MYT1L: variants seen among roughly 807,000 people sequenced by gnomAD.
The protein encoded by MYT1L is myelin transcription factor 1 like, also known as myelin transcription factor 1-like protein.
In MYT1L, 12 loss-of-function variants were observed where a neutral mutation model predicts 126.7. That is an observed-to-expected ratio of 0.09 (90% CI 0.06 to 0.15). MYT1L has a LOEUF of 0.15. Among genes scored for constraint, MYT1L ranks in the 10% least tolerant of loss-of-function variants. The probability of loss-of-function intolerance (pLI) is 1.00; values close to 1 mark genes in which losing one functional copy is unlikely to be tolerated. For missense variants in MYT1L, 979 were observed against 1,585.2 expected (o/e 0.62, Z 6.49); for synonymous variants, 541 against 604.2 (o/e 0.90, Z 1.53).
intron 5 of MYT1L, among the ~76,000 whole-genome samples, chr2:1,995,949 A>G (rs2061799882): frequency 6.6e-6 from 1 of 152,188 alleles, no homozygotes; most frequent in African/African-American, 2.4e-5. Flanking sequence ...GGGTCAATCC[A>G]GCCATCAGAA....
intron 2 of MYT1L, among the ~76,000 whole-genome samples, chr2:2,203,965 C>T (rs1475755322): frequency 1.3e-5 from 2 of 152,116 alleles, no homozygotes; most frequent in Non-Finnish European, 2.9e-5. Context: ...CACATATCTA[C>T]AACTATCTGA....
At chr2:1,936,569 C>T (rs2055916594) in intron 9 of MYT1L, among the ~76,000 whole-genome samples, 1 of 152,170 alleles carries the variant, frequency 6.6e-6, no homozygotes, top group South Asian at 2.1e-4. Flanking sequence ...TGGTTGAAGC[C>T]TCGCATACCA....
At chr2:2,217,650 G>T (rs1273534495) in intron 2 of MYT1L, among the ~76,000 whole-genome samples, 1 of 139,474 alleles carries the variant, frequency 7.2e-6, no homozygotes, top group East Asian at 2.1e-4. Flanking sequence ...CAGCCTGGGG[G>T]ACAGAACAAA....
chr2:2,062,351 A>T (rs2070638991), intron 3 of MYT1L, among the ~76,000 whole-genome samples: 2 of 152,222 alleles, frequency 1.3e-5, no homozygotes. Context: ...CTTAGGGAAG[A>T]ACAGCTTAGG....
rs2032133881 is a variant in MYT1L, at chr2:1,791,786, A to G, written c.*81T>C. On this transcript the variant is annotated 3_prime_UTR_variant, in exon 25 of 25. Transcript: ENST00000647738. This position sits in a 1 kb window ranked among gnomAD's most constrained non-coding sequence, Gnocchi z 6.0. The stretch of plus-strand genomic sequence containing the variant: ...TTCAAATTCAAACAGAAATAAATAT[A>G]GAACACTTTCTGGTAAGTTACAGCA... The G allele has an allele frequency of 3.8e-6, 5 of 1,306,900 alleles. No individual in the cohort carries two copies. Among genetic ancestry groups the G allele is most frequent in the Non-Finnish European group, 5.2e-6 (5 of 969,038 alleles). The allele number at this position is 1,306,900 out of a possible 1,614,324, so 81.0% of individuals were successfully genotyped here. A position where few individuals can be genotyped will look rare whatever the true frequency, so the allele number is the denominator to read the frequency against.
chr2:1,883,835 A>T (rs1469483969), intron 18 of MYT1L: 1 of 152,218 alleles, frequency 6.6e-6, no homozygotes, highest in Non-Finnish European at 1.5e-5. Context: ...GACACACCAG[A>T]TGGGCTAGGG....
intron 1 of MYT1L, chr2:2,327,143 A>G (rs2096253525): frequency 6.6e-6 from 1 of 152,224 alleles, no homozygotes; most frequent in African/African-American, 2.4e-5. Flanking sequence ...AGTTATGGTC[A>G]CTATAGGCAA....
chr2:1,797,471 C>T (rs138590141), intron 23 of MYT1L, among the ~76,000 whole-genome samples: 10,260 of 152,240 alleles, frequency 0.067, 403 homozygotes, highest in South Asian at 0.15. Flanking sequence ...CTGCCCGCCT[C>T]GGCCTCCCAA....
intron 18 of MYT1L, among the ~76,000 whole-genome samples, chr2:1,872,159 A>T (rs1339931319): frequency 6.6e-6 from 1 of 152,056 alleles, no homozygotes; most frequent in East Asian, 1.9e-4. Flanking sequence ...AATCTACATG[A>T]ACGGGAAACA....
intron 3 of MYT1L, among the ~76,000 whole-genome samples, chr2:2,095,266 T>A (rs777984870): frequency 1.3e-5 from 2 of 152,180 alleles, no homozygotes; most frequent in Non-Finnish European, 2.9e-5. Flanking sequence ...GAGGACAGCA[T>A]CCAGGCCACC....
intron 2 of MYT1L, among the ~76,000 whole-genome samples, chr2:2,269,471 A>G (rs960802402): frequency 6.6e-6 from 1 of 152,184 alleles, no homozygotes; most frequent in Non-Finnish European, 1.5e-5. Context: ...GAGGTAACGG[A>G]TGTGAGTGCT....
intron 1 of MYT1L, among the ~76,000 whole-genome samples, chr2:2,284,901 A>C (rs184251439): frequency 6.7e-4 from 102 of 152,100 alleles, no homozygotes; most frequent in Non-Finnish European, 9.6e-4. Flanking sequence ...ATGGGGTTTC[A>C]TCATGTGCTA....
chr2:2,167,360 A>G (rs542153884), intron 3 of MYT1L, among the ~76,000 whole-genome samples: 1 of 152,272 alleles, frequency 6.6e-6, no homozygotes, highest in Admixed American at 6.5e-5. Context: ...CTGCACTGTA[A>G]GCCCACCACA....
chr2:2,010,005 G>C (rs944885998), intron 4 of MYT1L, among the ~76,000 whole-genome samples: 1 of 148,740 alleles, frequency 6.7e-6, no homozygotes, highest in African/African-American at 2.5e-5. Context: ...TTCTGTTAAT[G>C]GGATGCATCA....
At chr2:2,227,648 T>G (rs923203549) in intron 2 of MYT1L, among the ~76,000 whole-genome samples, 1 of 152,202 alleles carries the variant, frequency 6.6e-6, no homozygotes, top group African/African-American at 2.4e-5. Flanking sequence ...GTCCTTTTCT[T>G]GTTATCTGAA....
At chr2:2,276,953 C>T (rs1378046010) in intron 2 of MYT1L, among the ~76,000 whole-genome samples, 1 of 150,252 alleles carries the variant, frequency 6.7e-6, no homozygotes, top group African/African-American at 2.5e-5. Context: ...CTTTACTTCA[C>T]CTGCTAACTT....
At chr2:2,090,769 CTGCTT>C (rs967375600) in intron 3 of MYT1L, among the ~76,000 whole-genome samples, 4 of 152,218 alleles carry the variant, frequency 2.6e-5, no homozygotes, top group African/African-American at 4.8e-5. Context: ...AACCCTGCTG[CTGCTT>C]TATCAACTGG....
intron 23 of MYT1L, among the ~76,000 whole-genome samples, chr2:1,797,472 G>A (rs1033176723): frequency 6.6e-6 from 1 of 152,196 alleles, no homozygotes; most frequent in South Asian, 2.1e-4. Context: ...TGCCCGCCTC[G>A]GCCTCCCAAA....
At chr2:1,866,405 G>C (rs1300551564) in intron 18 of MYT1L, among the ~76,000 whole-genome samples, 1 of 150,742 alleles carries the variant, frequency 6.6e-6, no homozygotes, top group Non-Finnish European at 1.5e-5. Context: ...AGAGAGGTGG[G>C]GGAGGAGAGA....
Sources: gnomAD v4.1 joint callset for allele counts (sites outside exome capture counted in the v4.1 genomes callset) on GRCh38, gnomAD v4.1.1 for gene constraint, Gnocchi (gnomAD v3.1) non-coding constraint, MANE v1.5 for transcripts, NCBI Gene and HGNC (gene_info 2026-07-23, HGNC 2026-07-21) for gene names.